KCMF1: variants seen among roughly 807,000 people sequenced by gnomAD.
KCMF1 encodes the protein E3 ubiquitin-protein ligase KCMF1.
Under a neutral mutation model 41.1 loss-of-function variants are expected in KCMF1, and 3 were observed. The observed-to-expected ratio is 0.07, with a 90% CI of 0.03 to 0.19. The LOEUF is 0.19. KCMF1 is among the 10% of genes least tolerant of loss of function. The probability of loss-of-function intolerance (pLI) is 1.00; values close to 1 mark genes in which losing one functional copy is unlikely to be tolerated. For missense variants in KCMF1, 286 were observed against 488.9 expected (o/e 0.58, Z 3.91); for synonymous variants, 142 against 164.5 (o/e 0.86, Z 1.04).
At chr2:85,052,570 T>C (rs1209362363) in intron 6 of KCMF1, among the ~76,000 whole-genome samples, 1 of 152,240 alleles carries the variant, frequency 6.6e-6, no homozygotes, top group African/African-American at 2.4e-5. Flanking sequence ...GTCAGGCAGG[T>C]AGACCTTGTG....
intron 1 of KCMF1, among the ~76,000 whole-genome samples, chr2:84,997,882 G>C (rs986251227): frequency 1.4e-5 from 2 of 140,180 alleles, no homozygotes; most frequent in African/African-American, 5.4e-5. Context: ...GTGTTCTCAT[G>C]CCTCGGCCTC....
intron 1 of KCMF1, among the ~76,000 whole-genome samples, chr2:85,024,764 G>A (rs1282956934): frequency 6.6e-6 from 1 of 151,912 alleles, no homozygotes; most frequent in Non-Finnish European, 1.5e-5. Flanking sequence ...TAGGATATGG[G>A]GAGAGATCCA....
chr2:85,010,026 C>T (rs1640055188), intron 1 of KCMF1, among the ~76,000 whole-genome samples: 1 of 152,206 alleles, frequency 6.6e-6, no homozygotes, highest in Non-Finnish European at 1.5e-5. Flanking sequence ...TTCCAGTCTC[C>T]TAATTCAGTT....
At chr2:85,020,955 G>A (rs569979035) in intron 1 of KCMF1, among the ~76,000 whole-genome samples, 2 of 152,040 alleles carry the variant, frequency 1.3e-5, no homozygotes, top group Admixed American at 6.6e-5. Context: ...CAGCAGCCTC[G>A]ACCTCCTGGG....
In KCMF1 at chr2:85,053,278, G is replaced by A; in HGVS notation, c.1015G>A (p.Asp339Asn). 6.2e-7 allele frequency: 1 copy of A among 1,614,008 alleles called. No homozygotes were observed. Among genetic ancestry groups the A allele is most frequent in the Non-Finnish European group, 8.5e-7 (1 of 1,179,906 alleles). ...VREESSSSDEDDRGEMADFGA... is the reference protein window; with the variant it reads ...VREESSSSDENDRGEMADFGA... The stretch of plus-strand genomic sequence containing the variant: ...TGAAGAGAGCTCATCCTCAGATGAG[G>A]ATGATCGGGGGGAGATGGCAGATTT... The change falls in exon 7 of 7, where the codon GAT becomes AAT. Residue 339 changes from aspartate (D) to asparagine (N), a missense_variant. Asp to Asn is a conservative substitution (Grantham distance 23, BLOSUM62 1). This residue lies in a region of KCMF1 where 191 missense variants were observed against 279.3 expected (regional missense o/e 0.68). Coordinates refer to ENST00000409785, the MANE Select transcript of KCMF1 (RefSeq NM_020122.5).
chr2:84,979,982 C>A (rs960243011), intron 1 of KCMF1, among the ~76,000 whole-genome samples: 12 of 151,878 alleles, frequency 7.9e-5, no homozygotes, highest in Non-Finnish European at 1.6e-4. Flanking sequence ...GCCACCACGC[C>A]CGGCTAATTT....
intron 1 of KCMF1, 42 bp from the exon 2 acceptor site, chr2:85,027,847 G>T: frequency 8.0e-7 from 1 of 1,255,840 alleles, no homozygotes; most frequent in Non-Finnish European, 1.1e-6. Context: ...ATCAAGAGTG[G>T]CCTTTACAAC....
intron 1 of KCMF1, among the ~76,000 whole-genome samples, chr2:85,026,030 G>A (rs778995918): frequency 8.0e-5 from 12 of 150,848 alleles, no homozygotes; most frequent in South Asian, 6.3e-4. Flanking sequence ...TCACTCTGTC[G>A]CCTAGGCTGG....
intron 1 of KCMF1, among the ~76,000 whole-genome samples, chr2:84,981,658 T>G (rs1673756122): frequency 6.6e-6 from 1 of 152,140 alleles, no homozygotes; most frequent in African/African-American, 2.4e-5. Flanking sequence ...TGATTATAAT[T>G]TATTATTTGG....
Position 85,009,663 on chromosome 2 carries a change from C to T in KCMF1, c.17-18226C>T, listed in dbSNP as rs141721268. 1.6e-4 allele frequency among the ~76,000 whole-genome samples: 25 copies of T among 152,220 alleles called. No individual in the cohort carries two copies. The East Asian group carries it at 4.8e-3, about 29-fold the overall frequency. ...ATTTCTGTCTCTTTCTCTCTTCCCC[C>T]CTCTTCTTTCTTTTTTCTGTTTCTG... On this transcript the variant is annotated intron_variant, in intron 1 of 6. Transcript: ENST00000409785.
chr2:85,037,570 C>T (rs1440990993), intron 3 of KCMF1, among the ~76,000 whole-genome samples: 1 of 152,040 alleles, frequency 6.6e-6, no homozygotes, highest in Non-Finnish European at 1.5e-5. Context: ...CTGTGTGTCC[C>T]CTCTCACCCC....
At chr2:85,037,529 A>C (rs1422404908) in intron 3 of KCMF1, among the ~76,000 whole-genome samples, 2 of 152,208 alleles carry the variant, frequency 1.3e-5, no homozygotes, top group Non-Finnish European at 1.5e-5. Context: ...CCAGTGTGCT[A>C]CAGTTATATG....
chr2:85,003,101 CTTAG>C (rs893741551), intron 1 of KCMF1, among the ~76,000 whole-genome samples: 1 of 152,140 alleles, frequency 6.6e-6, no homozygotes, highest in African/African-American at 2.4e-5. Flanking sequence ...TAAGGTTTTG[CTTAG>C]TTAATTAATC....
In KCMF1 at chr2:85,026,449, C is replaced by T. The variant is rs555876569; in HGVS notation, c.17-1440C>T. On this transcript the variant is annotated intron_variant, in intron 1 of 6. Coordinates refer to ENST00000409785, the MANE Select transcript of KCMF1 (RefSeq NM_020122.5). ...ATGGCACCCAGCCCTGTTCAAGCTT[C>T]TTTCTTTCCTTTATTATTATTATTA... is the stretch of plus-strand genomic sequence containing the variant. 2.8e-5 allele frequency among the ~76,000 whole-genome samples: 4 copies of T among 144,740 alleles called. No homozygotes were observed. The East Asian group carries it at 7.9e-4, about 29-fold the overall frequency. The allele number at this position is 144,740 out of a possible 152,430, so 95.0% of individuals were successfully genotyped here.
chr2:85,005,398 C>T (rs1164827546), intron 1 of KCMF1, among the ~76,000 whole-genome samples: 3 of 151,912 alleles, frequency 2.0e-5, no homozygotes, highest in Non-Finnish European at 4.4e-5. Context: ...ATGCCATTCT[C>T]CTCCCTCAGC....
rs1292493958 is a variant in KCMF1 at position 85,056,991 on chromosome 2, A to G, written c.*3582A>G. On this transcript the variant is annotated 3_prime_UTR_variant, in exon 7 of 7. Transcript: ENST00000409785. ...CGAGTTTGAGACCATTTTGGCCAGCATAGTGAAACCCCATCTCTACTAAAA... is the reference window on the plus strand; with the variant it reads ...CGAGTTTGAGACCATTTTGGCCAGCGTAGTGAAACCCCATCTCTACTAAAA... 6.6e-6 allele frequency: 1 copy of G among 152,176 alleles called. No individual in the cohort carries two copies. The highest frequency in any genetic ancestry group is 1.5e-5 in the Non-Finnish European group (1 of 68,062). 9.4% of individuals were successfully genotyped at this position (152,176 alleles called of 1,614,324 possible). A position where few individuals can be genotyped will look rare whatever the true frequency, so the allele number is the denominator to read the frequency against.
chr2:85,006,872 G>T (rs770423137), intron 1 of KCMF1, among the ~76,000 whole-genome samples: 2 of 151,628 alleles, frequency 1.3e-5, no homozygotes, highest in Non-Finnish European at 2.9e-5. Context: ...ACTTACGGAG[G>T]CCAAGGCAGG....
intron 1 of KCMF1, among the ~76,000 whole-genome samples, chr2:84,978,501 G>GT (rs370147575): frequency 0.011 from 1,572 of 140,982 alleles, 24 homozygotes; most frequent in African/African-American, 0.031. Flanking sequence ...TGGTTTTTGG[G>GT]TTTTTTTTTT....
intron 1 of KCMF1, among the ~76,000 whole-genome samples, chr2:85,008,381 T>TAA (rs369479422): frequency 2.4e-3 from 46 of 19,026 alleles, no homozygotes; most frequent in Middle Eastern, 0.026. Context: ...ATATGATATA[T>TAA]TATATATGAT....
Sources: allele counts gnomAD v4.1 joint callset (sites outside exome capture counted in the v4.1 genomes callset), GRCh38; gene constraint gnomAD v4.1.1; regional missense constraint gnomAD v4.1.1; transcripts MANE v1.5; gene names NCBI Gene and HGNC (gene_info 2026-07-23, HGNC 2026-07-21).